The following CLYBL variants were observed in gnomAD, a reference collection of about 807,000 sequenced individuals.
CLYBL encodes citramalyl-CoA lyase, mitochondrial.
In CLYBL, 31 loss-of-function variants were observed where a neutral mutation model predicts 38.9. That is an observed-to-expected ratio of 0.80 (90% CI 0.60 to 1.08). The LOEUF (loss-of-function observed/expected upper bound fraction) is 1.08, where lower values mean the gene tolerates loss of function less well. Ranked by LOEUF, CLYBL falls within the 50% of genes least tolerant of loss-of-function variation. CLYBL has a pLI of 0.00. For missense variants in CLYBL, 434 were observed against 411.6 expected (o/e 1.05, Z -0.47); for synonymous variants, 171 against 158.6 (o/e 1.08, Z -0.59).
chr13:99,893,162 G>A (rs2052525387), downstream of CLYBL: 2 of 152,372 alleles, frequency 1.3e-5, no homozygotes, highest in African/African-American at 4.8e-5. Flanking sequence ...AGGAAGGTGG[G>A]AGCTAGCCCC....
intron 7 of CLYBL, among the ~76,000 whole-genome samples, chr13:99,876,403 A>C (rs1175677807): frequency 1.4e-5 from 2 of 143,060 alleles, no homozygotes; most frequent in African/African-American, 2.7e-5. Flanking sequence ...CCTGGGTGAC[A>C]GAACAAGACT....
intron 1 of CLYBL, among the ~76,000 whole-genome samples, chr13:99,657,830 G>A (rs930636796): frequency 2.6e-5 from 4 of 152,218 alleles, no homozygotes; most frequent in African/African-American, 9.6e-5. Context: ...GAATTAAGCA[G>A]CTCTGCTGTG....
intron 1 of CLYBL, among the ~76,000 whole-genome samples, chr13:99,665,956 A>G (rs1204675522): frequency 1.3e-5 from 2 of 152,178 alleles, no homozygotes; most frequent in African/African-American, 4.8e-5. Flanking sequence ...AAATATTTTT[A>G]TATTTGAGCT....
rs758474719 is a variant in CLYBL, at chr13:99,865,961, G to T, written c.635-279G>T. 6.6e-6 allele frequency among the ~76,000 whole-genome samples: 1 copy of T among 152,166 alleles called. No homozygotes were observed. The highest frequency in any genetic ancestry group is 1.5e-5 in the Non-Finnish European group (1 of 68,032). On this transcript the variant is annotated intron_variant, in intron 5 of 8. Coordinates refer to ENST00000339105, the MANE Select transcript of CLYBL (RefSeq NM_206808.5). This position sits in a 1 kb window ranked among gnomAD's most constrained non-coding sequence, Gnocchi z 4.7. ...AAAAAATATATCAGGAGTCCCTTGC[G>T]ACCCTGACCCAGCCTCCCAGAATGG...
chr13:99,641,822 A>G (rs2047099561), intron 1 of CLYBL, among the ~76,000 whole-genome samples: 2 of 152,144 alleles, frequency 1.3e-5, no homozygotes, highest in African/African-American at 2.4e-5. Flanking sequence ...TAAAAAAAAA[A>G]TAGTCCAACA....
chr13:99,651,328 C>A (rs975570955), intron 1 of CLYBL, among the ~76,000 whole-genome samples: 9 of 152,336 alleles, frequency 5.9e-5, no homozygotes, highest in African/African-American at 2.2e-4. Flanking sequence ...AATCCCAGCA[C>A]TTGGGGAAGC....
chr13:99,655,080 CTT>C (rs561111559), intron 1 of CLYBL, among the ~76,000 whole-genome samples: 13 of 142,710 alleles, frequency 9.1e-5, no homozygotes, highest in Non-Finnish European at 1.1e-4. Context: ...GCATTTCTTT[CTT>C]TTTTTTTTTT....
intron 7 of CLYBL, among the ~76,000 whole-genome samples, chr13:99,876,167 A>G (rs1379192317): frequency 6.7e-6 from 1 of 148,998 alleles, no homozygotes; most frequent in Non-Finnish European, 1.5e-5. Flanking sequence ...CACACCTGTA[A>G]TCCCAGCACT....
At chr13:99,895,630 C>T (rs1319041941), downstream of CLYBL, 1 of 152,094 alleles carries the variant, frequency 6.6e-6, no homozygotes, top group Non-Finnish European at 1.5e-5. Context: ...GCTTGGGACC[C>T]GGCAGCTCTG....
intron 1 of CLYBL, among the ~76,000 whole-genome samples, chr13:99,683,108 G>C (rs555797599): frequency 6.6e-6 from 1 of 151,644 alleles, no homozygotes; most frequent in Non-Finnish European, 1.5e-5. Flanking sequence ...TTGAGATGGA[G>C]TCTTGCTCTG....
chr13:99,828,428 T>C (rs1039701785), intron 2 of CLYBL, among the ~76,000 whole-genome samples: 5 of 152,220 alleles, frequency 3.3e-5, no homozygotes, highest in African/African-American at 1.2e-4. Context: ...TTTCACTAGC[T>C]TGGGCCTCTC....
At chr13:99,621,862 A>C (rs1036881104) in intron 1 of CLYBL, among the ~76,000 whole-genome samples, 1 of 152,128 alleles carries the variant, frequency 6.6e-6, no homozygotes, top group Non-Finnish European at 1.5e-5. Context: ...AAAAAACTGG[A>C]CACCCTTGGT....
At chr13:99,691,140 C>T (rs1430295048) in intron 1 of CLYBL, among the ~76,000 whole-genome samples, 1 of 152,090 alleles carries the variant, frequency 6.6e-6, no homozygotes, top group Non-Finnish European at 1.5e-5. Context: ...CCATAGATGC[C>T]CTTCCCTAGA....
chr13:99,793,019 A>G (rs906897996), intron 2 of CLYBL, among the ~76,000 whole-genome samples: 1 of 138,184 alleles, frequency 7.2e-6, no homozygotes, highest in African/African-American at 2.9e-5. Flanking sequence ...CTTCTTGTGC[A>G]CATGTGCATA....
At chr13:99,639,619 G>A (rs1344146211) in intron 1 of CLYBL, among the ~76,000 whole-genome samples, 2 of 152,214 alleles carry the variant, frequency 1.3e-5, no homozygotes, top group African/African-American at 4.8e-5. Flanking sequence ...TGGGCTGGAT[G>A]TGGTGACTCT....
intron 1 of CLYBL, among the ~76,000 whole-genome samples, chr13:99,630,659 C>T (rs1460311589): frequency 6.6e-6 from 1 of 152,150 alleles, no homozygotes; most frequent in Non-Finnish European, 1.5e-5. Flanking sequence ...TGTGACCTCC[C>T]ATTCCAGCTG....
intron 1 of CLYBL, among the ~76,000 whole-genome samples, chr13:99,637,925 C>T (rs891689281): frequency 1.3e-4 from 18 of 143,530 alleles, no homozygotes; most frequent in East Asian, 6.4e-4. Flanking sequence ...AAGCCAGTTA[C>T]GGATCATTCT....
chr13:99,608,181 C>G (rs546868125), intron 1 of CLYBL, among the ~76,000 whole-genome samples: 206 of 150,884 alleles, frequency 1.4e-3, no homozygotes, highest in Middle Eastern at 3.5e-3. Context: ...AAGTGATTCT[C>G]CTGCCGCAGC....
intron 2 of CLYBL, among the ~76,000 whole-genome samples, chr13:99,846,565 A>G (rs2051211111): frequency 6.6e-6 from 1 of 152,136 alleles, no homozygotes; most frequent in Non-Finnish European, 1.5e-5. Context: ...AGACTAATTA[A>G]TGTGCTGCTG....
Sources: allele counts gnomAD v4.1 joint callset (sites outside exome capture counted in the v4.1 genomes callset), GRCh38; gene constraint gnomAD v4.1.1; non-coding constraint Gnocchi (gnomAD v3.1); transcripts MANE v1.5; gene names NCBI Gene and HGNC (gene_info 2026-07-23, HGNC 2026-07-21).